Variants in MYRIP observed in about 807,000 individuals in gnomAD.
MYRIP encodes the protein rab effector MyRIP.
Under a neutral mutation model 98.0 loss-of-function variants are expected in MYRIP, and 49 were observed. The observed-to-expected ratio is 0.50, with a 90% CI of 0.40 to 0.63. The LOEUF is 0.63. Among genes scored for constraint, MYRIP ranks in the 30% least tolerant of loss-of-function variants. The pLI, the probability that MYRIP is intolerant of heterozygous loss-of-function variation, is 0.00. For missense variants in MYRIP, 1,004 were observed against 1,058.2 expected (o/e 0.95, Z 0.71); for synonymous variants, 404 against 409.5 (o/e 0.99, Z 0.16).
rs568287257 is a variant in MYRIP at position 39,927,061 on chromosome 3, T to C, written c.110+26135T>C. On this transcript the variant is annotated intron_variant, in intron 2 of 16. Coordinates refer to ENST00000302541, the MANE Select transcript of MYRIP (RefSeq NM_015460.4). ...CTTTCACCTCCTTGGTTGGAAATAT[T>C]CCTAGGTGTGTGTTTGTGTGTGTCT... 5.9e-5 allele frequency among the ~76,000 whole-genome samples: 9 copies of C among 152,070 alleles called. No individual in the cohort carries two copies. The South Asian group carries it at 1.4e-3, about 24-fold the overall frequency.
At chr3:39,969,756 T>G (rs531777450) in intron 2 of MYRIP, among the ~76,000 whole-genome samples, 17 of 152,218 alleles carry the variant, frequency 1.1e-4, no homozygotes, top group Non-Finnish European at 2.5e-4. Context: ...GCATCAATAT[T>G]CAACAAAGAT....
At chr3:40,188,643 G>A (rs982500047) in intron 9 of MYRIP, among the ~76,000 whole-genome samples, 1 of 152,164 alleles carries the variant, frequency 6.6e-6, no homozygotes, top group African/African-American at 2.4e-5. Context: ...CAGGTGTGGT[G>A]GTGTGCACCT....
In MYRIP at chr3:40,209,973, T is replaced by G; in HGVS notation, c.1785T>G (p.Ser595Arg). Residue 595 changes from serine (S) to arginine (R), a missense_variant, in exon 11 of 17, where the codon AGT (serine) becomes AGG (arginine). Physicochemically the swap from Ser to Arg is moderately radical, Grantham distance 110. This residue lies in a region of MYRIP where 880 missense variants were observed against 907.7 expected (regional missense o/e 0.97). Coordinates refer to ENST00000302541, the MANE Select transcript of MYRIP (RefSeq NM_015460.4). ...NRLYELAMKMSEKETSSGEDQ... is the reference protein window; with the variant it reads ...NRLYELAMKMREKETSSGEDQ... ...TGTACGAGTTAGCAATGAAAATGAG[T>G]GAAAAGGAGACTTCTTCAGGGGAGG... 1.2e-6 allele frequency: 2 copies of G among 1,613,144 alleles called. No homozygotes were observed. The highest frequency in any genetic ancestry group is 1.7e-6 in the Non-Finnish European group (2 of 1,179,748).
chr3:39,912,321 C>T (rs1240462902), intron 2 of MYRIP, among the ~76,000 whole-genome samples: 1 of 152,182 alleles, frequency 6.6e-6, no homozygotes, highest in African/African-American at 2.4e-5. Flanking sequence ...GTTCTGACCA[C>T]CTCTGGAATT....
At position 40,218,637 on chromosome 3, in the gene MYRIP, T is replaced by C. The variant is rs1184343753; in HGVS notation, c.1905+8544T>C. Among the ~76,000 whole-genome samples the C allele has an allele frequency of 6.9e-4, 30 of 43,736 alleles. 2 individuals carry two copies. Among genetic ancestry groups the C allele is most frequent in the South Asian group, 6.2e-3 (5 of 806 alleles). 28.7% of individuals were successfully genotyped at this position (43,736 alleles called of 152,430 possible). On this transcript the variant is annotated intron_variant, in intron 11 of 16. Transcript: ENST00000302541. ...TTATATATATATATATATATATATA[T>C]ATATATATATATATATATACATACA...
At chr3:39,821,024 A>C (rs1178555288) in intron 1 of MYRIP, among the ~76,000 whole-genome samples, 1 of 152,178 alleles carries the variant, frequency 6.6e-6, no homozygotes, top group Non-Finnish European at 1.5e-5. Context: ...TCTTTTATAA[A>C]TGATCTGAAA....
At chr3:40,146,944 A>C (rs912917622) in intron 3 of MYRIP, among the ~76,000 whole-genome samples, 2 of 152,166 alleles carry the variant, frequency 1.3e-5, no homozygotes, top group African/African-American at 4.8e-5. Context: ...TTTTTATTTC[A>C]GTTTTTATAA....
chr3:40,189,832 C>T lies in MYRIP; in HGVS notation c.1034C>T (p.Ala345Val). 1.2e-6 allele frequency: 2 copies of T among 1,608,966 alleles called. No individual in the cohort carries two copies. Among genetic ancestry groups the T allele is most frequent in the African/African-American group, 2.7e-5 (2 of 74,932 alleles). ...SVDRLDETNLAPVLQSPDGNW... is the reference protein window; with the variant it reads ...SVDRLDETNLVPVLQSPDGNW... ...CTATCCTCTCCATCCACAGACCTGG[C>T]CCCAGTTTTGCAGAGCCCCGACGGG... Residue 345 changes from alanine (A) to valine (V), a missense_variant, in exon 10 of 17, where the codon GCC (alanine) becomes GTC (valine). Physicochemically the swap from Ala to Val is moderately conservative, Grantham distance 64 (BLOSUM62 0). Around this residue, in one of 3 missense-constraint regions of MYRIP, gnomAD observed 880 missense variants for 907.7 expected, o/e 0.97. Coordinates refer to ENST00000302541, the MANE Select transcript of MYRIP (RefSeq NM_015460.4).
At chr3:40,216,977 A>G (rs1159147413) in intron 11 of MYRIP, among the ~76,000 whole-genome samples, 1 of 152,186 alleles carries the variant, frequency 6.6e-6, no homozygotes, top group Admixed American at 6.6e-5. Flanking sequence ...TGGCTTTAAG[A>G]TTTGTTTTAA....
rs1051705839 is a variant in MYRIP at position 39,862,855 on chromosome 3, C to A, written c.-30-37932C>A. On this transcript the variant is annotated intron_variant, in intron 1 of 16. Transcript: ENST00000302541. ...TATCCATCCATTCTTTTCACCTGCA[C>A]ATGGTATGTACTCTAAAATCAACCA... Among the ~76,000 whole-genome samples, 31 of 152,158 alleles carry A rather than the reference C, an allele frequency of 2.0e-4. 1 individual carries two copies. The highest frequency in any genetic ancestry group is 7.5e-4 in the African/African-American group (31 of 41,438).
At chr3:40,172,805 G>C (rs1372548348) in intron 8 of MYRIP, among the ~76,000 whole-genome samples, 1 of 152,106 alleles carries the variant, frequency 6.6e-6, no homozygotes, top group Non-Finnish European at 1.5e-5. Flanking sequence ...GCATCAGCTT[G>C]CTTCTCTTCT....
intron 1 of MYRIP, among the ~76,000 whole-genome samples, chr3:39,850,443 T>G (rs1942097502): frequency 6.6e-6 from 1 of 152,208 alleles, no homozygotes; most frequent in African/African-American, 2.4e-5. Flanking sequence ...CCTTCTGAGG[T>G]TTACATATAA....
At chr3:40,211,003 G>A (rs538233942) in intron 11 of MYRIP, among the ~76,000 whole-genome samples, 4 of 151,858 alleles carry the variant, frequency 2.6e-5, no homozygotes, top group South Asian at 2.1e-4. Flanking sequence ...TCCTCTGTGC[G>A]TGTGCCTGTA....
At chr3:40,130,148 G>A (rs1004826307) in intron 3 of MYRIP, among the ~76,000 whole-genome samples, 2 of 152,074 alleles carry the variant, frequency 1.3e-5, no homozygotes, top group Non-Finnish European at 2.9e-5. Context: ...TAGGATTTCT[G>A]GAATAAAAAT....
intron 1 of MYRIP, among the ~76,000 whole-genome samples, chr3:39,894,800 C>T (rs1943567603): frequency 6.6e-6 from 1 of 152,154 alleles, no homozygotes; most frequent in Admixed American, 6.5e-5. Flanking sequence ...TAAGTCTTTG[C>T]ACATTTTTTC....
chr3:39,887,542 C>T (rs1379031235), intron 1 of MYRIP, among the ~76,000 whole-genome samples: 2 of 152,212 alleles, frequency 1.3e-5, no homozygotes, highest in Non-Finnish European at 2.9e-5. Flanking sequence ...ATAATGAGAG[C>T]TATCTATGAC....
At chr3:39,859,917 T>C (rs1035154982) in intron 1 of MYRIP, among the ~76,000 whole-genome samples, 1 of 152,184 alleles carries the variant, frequency 6.6e-6, no homozygotes, top group African/African-American at 2.4e-5. Flanking sequence ...TACTCAGCAG[T>C]GAAAAGCCGA....
chr3:39,881,959 C>A (rs1272235016), intron 1 of MYRIP, among the ~76,000 whole-genome samples: 1 of 151,502 alleles, frequency 6.6e-6, no homozygotes, highest in African/African-American at 2.4e-5. Flanking sequence ...GTTTTTTTCC[C>A]ATCTTTTTTC....
At chr3:40,012,605 G>T (rs1946783340) in intron 2 of MYRIP, among the ~76,000 whole-genome samples, 1 of 152,190 alleles carries the variant, frequency 6.6e-6, no homozygotes. Context: ...TAGTGAAGCA[G>T]ATCATTCTCC....
Sources: gnomAD v4.1 joint callset for allele counts (sites outside exome capture counted in the v4.1 genomes callset) on GRCh38, gnomAD v4.1.1 for gene constraint, gnomAD v4.1.1 regional missense constraint, MANE v1.5 for transcripts, NCBI Gene and HGNC (gene_info 2026-07-23, HGNC 2026-07-21) for gene names.